Variants in DYRK1A observed in about 807,000 individuals in gnomAD.
DYRK1A encodes dual specificity tyrosine phosphorylation regulated kinase 1A, also known as dual specificity tyrosine-phosphorylation-regulated kinase 1A.
In DYRK1A, 9 loss-of-function variants were observed where a neutral mutation model predicts 79.7. The observed-to-expected ratio is 0.11, with a 90% CI of 0.07 to 0.20. The LOEUF is 0.20. DYRK1A is among the 10% of genes least tolerant of loss of function. The pLI is 1.00. For missense variants in DYRK1A, 622 were observed against 956.0 expected (o/e 0.65, Z 4.61); for synonymous variants, 349 against 329.7 (o/e 1.06, Z -0.63).
At chr21:37,400,074 T>G (rs2148399198) in intron 1 of DYRK1A, among the ~76,000 whole-genome samples, 1 of 152,222 alleles carries the variant, frequency 6.6e-6, no homozygotes, top group Admixed American at 6.5e-5. Context: ...GGGCTGTGCT[T>G]TAGGAGGCTG....
intron 2 of DYRK1A, among the ~76,000 whole-genome samples, chr21:37,427,520 ATTAG>A (rs769456286): frequency 2.6e-4 from 40 of 152,326 alleles, no homozygotes; most frequent in African/African-American, 5.3e-4. Context: ...TATTCTGCGA[ATTAG>A]TTAATGTTTA....
At chr21:37,380,982 T>C (rs1271876042) in intron 1 of DYRK1A, among the ~76,000 whole-genome samples, 2 of 152,250 alleles carry the variant, frequency 1.3e-5, no homozygotes, top group Non-Finnish European at 2.9e-5. Flanking sequence ...AAAAATCTCA[T>C]GTGTCCTTGT....
intron 2 of DYRK1A, among the ~76,000 whole-genome samples, chr21:37,452,948 A>G: frequency 6.6e-6 from 1 of 152,146 alleles, no homozygotes; most frequent in African/African-American, 2.4e-5. Flanking sequence ...CCACATTTTT[A>G]AAAAAGTAAA....
intron 2 of DYRK1A, among the ~76,000 whole-genome samples, chr21:37,430,090 GGCCATC>G (rs1479562532): frequency 6.6e-6 from 1 of 152,024 alleles, no homozygotes; most frequent in Non-Finnish European, 1.5e-5. Context: ...CCTCATTCTT[GGCCATC>G]AGTTTTAGAC....
chr21:37,437,095 GA>G (rs2148467274), intron 2 of DYRK1A, among the ~76,000 whole-genome samples: 1 of 152,296 alleles, frequency 6.6e-6, no homozygotes, highest in African/African-American at 2.4e-5. Flanking sequence ...GGGCCTGTTC[GA>G]AAATTGCATT....
chr21:37,407,342 A>T (rs1278233620), intron 1 of DYRK1A, among the ~76,000 whole-genome samples: 1 of 152,202 alleles, frequency 6.6e-6, no homozygotes, highest in African/African-American at 2.4e-5. Context: ...AACCCATCAT[A>T]TGAGTTCAGG....
chr21:37,388,357 T>A (rs1297408149), intron 1 of DYRK1A, among the ~76,000 whole-genome samples: 9 of 152,084 alleles, frequency 5.9e-5, no homozygotes, highest in Non-Finnish European at 4.4e-5. Context: ...GTGTTGAGAT[T>A]ACAGGCATGA....
At chr21:37,482,501 C>T (rs1269351745) in intron 5 of DYRK1A, among the ~76,000 whole-genome samples, 1 of 152,104 alleles carries the variant, frequency 6.6e-6, no homozygotes, top group Non-Finnish European at 1.5e-5. Flanking sequence ...TCACATACTT[C>T]ACAAGGTAAT....
At chr21:37,365,610 ATACATAGC>A (rs1393217975), upstream of DYRK1A, 3 of 152,218 alleles carry the variant, frequency 2.0e-5, no homozygotes, top group African/African-American at 7.2e-5. Flanking sequence ...TCACCCAGCA[ATACATAGC>A]TAGGGAGAAG....
At chr21:37,506,615 A>G (rs143416370) in intron 11 of DYRK1A, among the ~76,000 whole-genome samples, 1 of 152,212 alleles carries the variant, frequency 6.6e-6, no homozygotes, top group African/African-American at 2.4e-5. Flanking sequence ...ATGATTTTTT[A>G]GCATTTATAG....
intron 1 of DYRK1A, among the ~76,000 whole-genome samples, chr21:37,397,276 G>A (rs1446115737): frequency 6.6e-6 from 1 of 152,160 alleles, no homozygotes; most frequent in South Asian, 2.1e-4. Context: ...CTATTTCTTA[G>A]TATATTTCTG....
At chr21:37,376,854 C>G (rs922209824) in intron 1 of DYRK1A, among the ~76,000 whole-genome samples, 1 of 152,074 alleles carries the variant, frequency 6.6e-6, no homozygotes, top group African/African-American at 2.4e-5. Context: ...GGAATGATAG[C>G]AGATCATTTC....
At chr21:37,426,328 C>T (rs1437679989) in intron 2 of DYRK1A, among the ~76,000 whole-genome samples, 2 of 152,016 alleles carry the variant, frequency 1.3e-5, no homozygotes, top group Non-Finnish European at 2.9e-5. Context: ...GTCAAAATCC[C>T]CACAGAGTTT....
chr21:37,394,060 G>C (rs985283671), intron 1 of DYRK1A, among the ~76,000 whole-genome samples: 5 of 152,160 alleles, frequency 3.3e-5, no homozygotes, highest in African/African-American at 9.7e-5. Flanking sequence ...GTGAACACTG[G>C]CAAGAGTGGT....
At chr21:37,378,234 TTAAAGTA>T (rs2049587250) in intron 1 of DYRK1A, among the ~76,000 whole-genome samples, 1 of 152,222 alleles carries the variant, frequency 6.6e-6, no homozygotes, top group Non-Finnish European at 1.5e-5. Flanking sequence ...TATGTTATAG[TTAAAGTA>T]TTTCCTGGGG....
intron 2 of DYRK1A, among the ~76,000 whole-genome samples, chr21:37,425,197 C>A (rs766923088): frequency 1.3e-5 from 2 of 152,020 alleles, no homozygotes; most frequent in Non-Finnish European, 2.9e-5. Context: ...TAAGGCTTAT[C>A]CTCTTTGTGT....
chr21:37,440,708 G>A (rs2148476530), intron 2 of DYRK1A, among the ~76,000 whole-genome samples: 1 of 152,144 alleles, frequency 6.6e-6, no homozygotes, highest in Admixed American at 6.5e-5. Flanking sequence ...GGACTATTTT[G>A]TTTTACTTAC....
At chr21:37,375,332 G>T (rs1231814945) in intron 1 of DYRK1A, among the ~76,000 whole-genome samples, 1 of 152,186 alleles carries the variant, frequency 6.6e-6, no homozygotes, top group African/African-American at 2.4e-5. Context: ...CATTAGAATA[G>T]ATGTATAGGC....
chr21:37,424,172 G>T (rs1050265265), intron 2 of DYRK1A, among the ~76,000 whole-genome samples: 3 of 152,190 alleles, frequency 2.0e-5, no homozygotes, highest in East Asian at 3.9e-4. Flanking sequence ...TCGTGGTCGT[G>T]TGTGTCTGAT....
Sources: allele counts gnomAD v4.1 joint callset (sites outside exome capture counted in the v4.1 genomes callset), GRCh38; gene constraint gnomAD v4.1.1; transcripts MANE v1.5; gene names NCBI Gene and HGNC (gene_info 2026-07-23, HGNC 2026-07-21).